Variants in BMPR1A observed in about 807,000 individuals in gnomAD.
BMPR1A encodes bone morphogenetic protein receptor type-1A.
Under a neutral mutation model 66.0 loss-of-function variants are expected in BMPR1A, and 7 were observed. The observed-to-expected ratio is 0.11, with a 90% CI of 0.06 to 0.20. The LOEUF is 0.20. Ranked by LOEUF, BMPR1A falls within the 10% of genes least tolerant of loss-of-function variation. BMPR1A has a pLI of 1.00. For missense variants in BMPR1A, 408 were observed against 669.1 expected (o/e 0.61, Z 4.31); for synonymous variants, 200 against 229.7 (o/e 0.87, Z 1.17).
intron 1 of BMPR1A, among the ~76,000 whole-genome samples, chr10:86,806,272 T>C (rs1468744264): frequency 6.6e-6 from 1 of 152,220 alleles, no homozygotes; most frequent in Non-Finnish European, 1.5e-5. Context: ...CTATAATTAC[T>C]GTTTTCCCTC....
chr10:86,789,251 A>G (rs1226109975), intron 1 of BMPR1A, among the ~76,000 whole-genome samples: 1 of 152,220 alleles, frequency 6.6e-6, no homozygotes, highest in South Asian at 2.1e-4. Context: ...TTTCTTCAAT[A>G]TGACAACAAA....
Position 86,868,026 on chromosome 10 carries a change from C to T in BMPR1A, c.-152-7841C>T, listed in dbSNP as rs147895292. Among the ~76,000 whole-genome samples, 8 of 152,264 alleles carry T rather than the reference C, an allele frequency of 5.3e-5. No individual in the cohort carries two copies. In the East Asian group the frequency reaches 1.4e-3, roughly 26 times the overall value. On this transcript the variant is annotated intron_variant, in intron 2 of 12. Coordinates refer to ENST00000372037, the MANE Select transcript of BMPR1A (RefSeq NM_004329.3). ...GGGGTGGCGATGAAATTGGTAACTT[C>T]AAAGTGGTGGAGACATGACAGTGGA... is the stretch of plus-strand genomic sequence containing the variant.
At position 86,863,238 on chromosome 10, in the gene BMPR1A, A is replaced by T. The variant is rs149219946; in HGVS notation, c.-152-12629A>T. 2.7e-3 allele frequency among the ~76,000 whole-genome samples: 418 copies of T among 152,276 alleles called. 3 individuals are homozygous for T. Among genetic ancestry groups the T allele is most frequent in the African/African-American group, 9.6e-3 (399 of 41,546 alleles). ...AGTGATCTGCCTGCCTCAGCCTCCC[A>T]AAGTGCTGGGATTACAGACGAGAGC... On this transcript the variant is annotated intron_variant, in intron 2 of 12. Transcript: ENST00000372037.
intron 1 of BMPR1A, among the ~76,000 whole-genome samples, chr10:86,803,017 A>G (rs897975057): frequency 7.2e-6 from 1 of 139,412 alleles, no homozygotes; most frequent in African/African-American, 2.5e-5. Context: ...AAAAAAAAAA[A>G]AAAAAAAGAC....
In BMPR1A at chr10:86,790,176, AAAAAAAAAAAAAATATAT is replaced by A. The variant is rs1162069074; in HGVS notation, c.-268+33259_-268+33276del. ...GACTCTGTCTCCAAAAAAAAAAAAA[AAAAAAAAAAAAAATATAT>A]ATATATATATATATATATATATATA... is the stretch of plus-strand genomic sequence containing the variant. On this transcript the variant is annotated intron_variant, in intron 1 of 12. Transcript: ENST00000372037. 3.3e-3 allele frequency among the ~76,000 whole-genome samples: 143 copies of A among 43,060 alleles called. 6 individuals are homozygous for A. Among genetic ancestry groups the A allele is most frequent in the African/African-American group, 4.2e-3 (39 of 9,180 alleles). 28.2% of individuals were successfully genotyped at this position (43,060 alleles called of 152,430 possible).
At chr10:86,792,639 A>C (rs747431760) in intron 1 of BMPR1A, among the ~76,000 whole-genome samples, 3 of 152,164 alleles carry the variant, frequency 2.0e-5, no homozygotes, top group African/African-American at 4.8e-5. Flanking sequence ...CTATAAAACA[A>C]ACAAACAAAC....
At chr10:86,870,543 C>G (rs1169972469) in intron 2 of BMPR1A, among the ~76,000 whole-genome samples, 2 of 152,164 alleles carry the variant, frequency 1.3e-5, no homozygotes, top group Non-Finnish European at 2.9e-5. Flanking sequence ...CCACCTCAGC[C>G]TCCCTAGTGT....
intron 1 of BMPR1A, among the ~76,000 whole-genome samples, chr10:86,760,188 GTTTTTTT>G (rs58326501): frequency 1.9e-5 from 1 of 53,376 alleles, no homozygotes; most frequent in Non-Finnish European, 3.3e-5. Flanking sequence ...AGATTTACCT[GTTTTTTT>G]TTTTTTTTTT....
downstream of BMPR1A, chr10:86,928,679 G>C (rs1000706921): frequency 6.6e-6 from 1 of 151,350 alleles, no homozygotes; most frequent in African/African-American, 2.4e-5. Flanking sequence ...TTTTTTGAGA[G>C]AGTCTTGCTC....
intron 1 of BMPR1A, among the ~76,000 whole-genome samples, chr10:86,809,610 T>TC (rs1841940610): frequency 6.8e-6 from 1 of 146,168 alleles, no homozygotes; most frequent in East Asian, 2.0e-4. Flanking sequence ...TTTTTTTTTT[T>TC]TTCTCTTTTT....
chr10:86,790,662 CATT>C (rs374421278), intron 1 of BMPR1A, among the ~76,000 whole-genome samples: 171 of 141,172 alleles, frequency 1.2e-3, no homozygotes, highest in African/African-American at 4.0e-3. Context: ...ATTTTGAAAA[CATT>C]AATGCAGGTT....
intron 1 of BMPR1A, among the ~76,000 whole-genome samples, chr10:86,776,182 T>C (rs1345148216): frequency 2.0e-5 from 3 of 152,248 alleles, no homozygotes; most frequent in South Asian, 2.1e-4. Flanking sequence ...TTTTTAGATA[T>C]AGTAATACGT....
At chr10:86,901,821 TGG>T (rs2133468947) in intron 7 of BMPR1A, among the ~76,000 whole-genome samples, 1 of 152,230 alleles carries the variant, frequency 6.6e-6, no homozygotes, top group African/African-American at 2.4e-5. Context: ...TTTTATACAT[TGG>T]TTTCTTTATT....
chr10:86,771,020 AC>A (rs1841250187), intron 1 of BMPR1A, among the ~76,000 whole-genome samples: 1 of 152,072 alleles, frequency 6.6e-6, no homozygotes, highest in Non-Finnish European at 1.5e-5. Flanking sequence ...ACTATAGATG[AC>A]CATTTGATCT....
chr10:86,829,508 CAT>C (rs1438437152), intron 1 of BMPR1A, among the ~76,000 whole-genome samples: 1 of 152,142 alleles, frequency 6.6e-6, no homozygotes, highest in Non-Finnish European at 1.5e-5. Flanking sequence ...GCTGTTTAAA[CAT>C]ATATGTAGTT....
At chr10:86,763,976 A>G (rs929782318) in intron 1 of BMPR1A, among the ~76,000 whole-genome samples, 9 of 152,018 alleles carry the variant, frequency 5.9e-5, no homozygotes, top group African/African-American at 9.7e-5. Flanking sequence ...ATTTTTTAGT[A>G]GAGACAGGGT....
intron 1 of BMPR1A, among the ~76,000 whole-genome samples, chr10:86,758,059 TTGAAA>T (rs1329979704): frequency 6.6e-6 from 1 of 152,216 alleles, no homozygotes; most frequent in African/African-American, 2.4e-5. Context: ...TTTTCAGTTG[TTGAAA>T]TAAAGAATGT....
chr10:86,812,782 T>C (rs1301912168), intron 1 of BMPR1A, among the ~76,000 whole-genome samples: 4 of 152,196 alleles, frequency 2.6e-5, no homozygotes, highest in African/African-American at 2.4e-5. Flanking sequence ...TTGTTTCCAA[T>C]TGATGAACCT....
chr10:86,888,430 T>C (rs1203532476), intron 3 of BMPR1A, among the ~76,000 whole-genome samples: 1 of 152,148 alleles, frequency 6.6e-6, no homozygotes, highest in East Asian at 1.9e-4. Flanking sequence ...ATTGCACCAG[T>C]GCACTCCAGC....
Sources: gnomAD v4.1 joint callset for allele counts (sites outside exome capture counted in the v4.1 genomes callset) on GRCh38, gnomAD v4.1.1 for gene constraint, MANE v1.5 for transcripts, NCBI Gene and HGNC (gene_info 2026-07-23, HGNC 2026-07-21) for gene names.